CSMD2: variants seen among roughly 807,000 people sequenced by gnomAD.
CSMD2 encodes CUB and Sushi multiple domains 2.
Under a neutral mutation model 398.5 loss-of-function variants are expected in CSMD2, and 130 were observed. That is an observed-to-expected ratio of 0.33 (90% CI 0.28 to 0.38). The LOEUF (loss-of-function observed/expected upper bound fraction) is 0.38. Ranked by LOEUF, CSMD2 falls within the 10% of genes least tolerant of loss-of-function variation. The pLI is 1.00. For synonymous variants in CSMD2, 1,828 were observed against 1,908.5 expected (o/e 0.96, Z 1.10); for missense variants, 3,829 against 4,764.9 (o/e 0.80, Z 5.78).
chr1:34,046,987 G>A (rs191958128), intron 2 of CSMD2, among the ~76,000 whole-genome samples: 32 of 152,070 alleles, frequency 2.1e-4, no homozygotes, highest in Admixed American at 2.1e-3. Context: ...TTTCCTCCTA[G>A]TCCACCTACA....
intron 4 of CSMD2, among the ~76,000 whole-genome samples, chr1:33,919,389 T>A (rs767846872): frequency 1.9e-4 from 29 of 152,196 alleles, no homozygotes; most frequent in Non-Finnish European, 3.4e-4. Context: ...TTAACAGATA[T>A]ATAGGAGCCA....
chr1:33,953,168 A>G (rs1459958208), intron 3 of CSMD2, among the ~76,000 whole-genome samples: 1 of 152,210 alleles, frequency 6.6e-6, no homozygotes, highest in Admixed American at 6.5e-5. Context: ...AGCCTCCTGC[A>G]TGTTCTTCCT....
At chr1:33,989,012 CCATATATATATATATATATATAT>C in intron 3 of CSMD2, among the ~76,000 whole-genome samples, 1 of 49,052 alleles carries the variant, frequency 2.0e-5, no homozygotes, top group Admixed American at 2.8e-4. Context: ...CTCTCTCTCT[CCATATATATATATATATATATAT>C]ATATATATAT....
intron 3 of CSMD2, among the ~76,000 whole-genome samples, chr1:33,977,761 C>T (rs1646022802): frequency 6.6e-6 from 1 of 152,168 alleles, no homozygotes; most frequent in African/African-American, 2.4e-5. Context: ...ACAGAATCTA[C>T]AGTGGTGGGA....
intron 1 of CSMD2, among the ~76,000 whole-genome samples, chr1:34,136,785 C>G (rs12046143): frequency 0.36 from 54,918 of 152,044 alleles, 10,917 homozygotes; most frequent in East Asian, 0.63. Flanking sequence ...AACCATGGGT[C>G]TTTCCTCTTG....
At chr1:33,852,730 T>G (rs1387437952) in intron 5 of CSMD2, among the ~76,000 whole-genome samples, 10 of 152,242 alleles carry the variant, frequency 6.6e-5, no homozygotes, top group Non-Finnish European at 1.3e-4. Context: ...TGTCTCAGTA[T>G]CTCTGGTGCA....
At chr1:34,091,743 A>G (rs1384628758) in intron 1 of CSMD2, among the ~76,000 whole-genome samples, 1 of 152,236 alleles carries the variant, frequency 6.6e-6, no homozygotes, top group Non-Finnish European at 1.5e-5. Context: ...ATTCAAAACT[A>G]GGAAAAAGAA....
At chr1:33,658,227 C>A in intron 26 of CSMD2, 90 bp from the exon 27 acceptor site, 3 of 1,115,960 alleles carry the variant, frequency 2.7e-6, no homozygotes, top group Admixed American at 2.0e-5. Context: ...TGATTGCCAT[C>A]ATCCGTGCAT....
intron 1 of CSMD2, among the ~76,000 whole-genome samples, chr1:34,110,040 CAAAAAAAAA>C (rs57314887): frequency 1.6e-5 from 1 of 63,406 alleles, no homozygotes; most frequent in Non-Finnish European, 2.7e-5. Flanking sequence ...GACTCTGTCT[CAAAAAAAAA>C]AAAAAAAAAA....
At position 33,580,601 on chromosome 1, in the gene CSMD2, G is replaced by T. The variant is rs1638625201; in HGVS notation, c.7387+152C>A. 3 of 719,462 alleles carry T rather than the reference G, an allele frequency of 4.2e-6. No individual in the cohort carries two copies. The East Asian group carries it at 8.1e-5, about 19-fold the overall frequency. 44.6% of individuals were successfully genotyped at this position (719,462 alleles called of 1,614,324 possible). On this transcript the variant is annotated intron_variant, in intron 48 of 70. Transcript: ENST00000373381. ...AGGGAAGAGGTTCAAGAGGGGAATG[G>T]AATAGAAAAATAGGAGGTAGGGGAA...
intron 4 of CSMD2, 113 bp downstream of exon 4, chr1:33,935,647 C>T (rs2125327161): frequency 9.5e-6 from 11 of 1,154,634 alleles, no homozygotes; most frequent in South Asian, 1.6e-5. Flanking sequence ...ACTTGGGTAC[C>T]CCCCTCCCTG....
In CSMD2 at chr1:34,133,669, G is replaced by T. The variant is rs1309289513; in HGVS notation, c.187+31242C>A. Among the ~76,000 whole-genome samples the T allele has an allele frequency of 4.6e-5, 7 of 151,932 alleles. No homozygotes were observed. In the East Asian group the frequency reaches 1.2e-3, roughly 25 times the overall value. ...ATCAGTTAGCCCATAGTTACAGGTTGTGCAAAAGGCTATGTTTCACACTTT... is the reference window on the plus strand; with the variant it reads ...ATCAGTTAGCCCATAGTTACAGGTTTTGCAAAAGGCTATGTTTCACACTTT... On this transcript the variant is annotated intron_variant, in intron 1 of 70. Coordinates refer to ENST00000373381, the MANE Select transcript of CSMD2 (RefSeq NM_001281956.2).
At chr1:33,728,452 G>A (rs958762585) in intron 15 of CSMD2, among the ~76,000 whole-genome samples, 6 of 151,844 alleles carry the variant, frequency 4.0e-5, no homozygotes, top group Admixed American at 1.3e-4. Flanking sequence ...GGTAGTAGTC[G>A]TCAACTCTTA....
intron 41 of CSMD2, among the ~76,000 whole-genome samples, chr1:33,610,837 G>A (rs1375063510): frequency 6.6e-6 from 1 of 152,166 alleles, no homozygotes; most frequent in Non-Finnish European, 1.5e-5. Context: ...TGCCACTCTT[G>A]AAAAGGCTGT....
chr1:33,924,684 A>G (rs1394638000), intron 4 of CSMD2, among the ~76,000 whole-genome samples: 1 of 152,146 alleles, frequency 6.6e-6, no homozygotes, highest in African/African-American at 2.4e-5. Flanking sequence ...CCTTTTCTCC[A>G]TATCTTTGCC....
At chr1:33,850,875 T>C (rs1195683495) in intron 5 of CSMD2, among the ~76,000 whole-genome samples, 2 of 152,142 alleles carry the variant, frequency 1.3e-5, no homozygotes, top group Non-Finnish European at 2.9e-5. Flanking sequence ...GAAAAGTGGC[T>C]TTGAGCTCCT....
chr1:33,956,481 T>TA (rs1645173370), intron 3 of CSMD2, among the ~76,000 whole-genome samples: 2 of 152,196 alleles, frequency 1.3e-5, no homozygotes, highest in African/African-American at 2.4e-5. Flanking sequence ...ATCCATGCTG[T>TA]AGCAGGTGTC....
At chr1:34,138,608 A>G in intron 1 of CSMD2, among the ~76,000 whole-genome samples, 1 of 152,252 alleles carries the variant, frequency 6.6e-6, no homozygotes, top group Non-Finnish European at 1.5e-5. Context: ...CATCTTCTAC[A>G]TAAATGGTTG....
intron 25 of CSMD2, among the ~76,000 whole-genome samples, chr1:33,669,413 G>A (rs1398172764): frequency 1.3e-5 from 2 of 152,146 alleles, no homozygotes; most frequent in Admixed American, 6.5e-5. Context: ...TCAGGACCAC[G>A]TCTATCTTTC....
Sources: allele counts gnomAD v4.1 joint callset (sites outside exome capture counted in the v4.1 genomes callset), GRCh38; gene constraint gnomAD v4.1.1; transcripts MANE v1.5; gene names NCBI Gene and HGNC (gene_info 2026-07-23, HGNC 2026-07-21).